Variants in DNAH3 observed in about 807,000 individuals in gnomAD.
The protein encoded by DNAH3 is axonemal beta dynein heavy chain 3.
A neutral mutation model predicts 432.5 loss-of-function variants in DNAH3; 332 were observed. That is an observed-to-expected ratio of 0.77 (90% CI 0.70 to 0.84). The LOEUF (loss-of-function observed/expected upper bound fraction) is 0.84, where lower values mean the gene tolerates loss of function less well. DNAH3 is among the 40% of genes least tolerant of loss of function. The pLI, the probability that DNAH3 is intolerant of heterozygous loss-of-function variation, is 0.00. For missense variants in DNAH3, 4,861 were observed against 5,114.0 expected, an observed-to-expected ratio of 0.95 and a Z score of 1.51; for synonymous variants, 1,956 against 1,900.2, an observed-to-expected ratio of 1.03 and a Z score of -0.76.
intron 59 of DNAH3, among the ~76,000 whole-genome samples, chr16:20,941,200 G>A (rs1413284716): frequency 1.3e-5 from 2 of 152,140 alleles, no homozygotes; most frequent in Non-Finnish European, 2.9e-5. Flanking sequence ...TGAATGAATG[G>A]GAATGAATGA....
intron 41 of DNAH3, among the ~76,000 whole-genome samples, chr16:21,017,098 C>T (rs929765305): frequency 6.6e-5 from 10 of 152,090 alleles, no homozygotes; most frequent in African/African-American, 2.4e-4. Context: ...GGTTGCCCAA[C>T]AATGTGAATG....
exon 14 of DNAH3, chr16:21,111,690 C>T (rs749306266): frequency 6.2e-7 from 1 of 1,613,996 alleles, no homozygotes; most frequent in South Asian, 1.1e-5. Context: ...AGATTTTGAG[C>T]TCGCTCACAG....
chr16:21,071,807 A>G (rs1567740198), intron 21 of DNAH3, among the ~76,000 whole-genome samples: 1 of 152,004 alleles, frequency 6.6e-6, no homozygotes, highest in Non-Finnish European at 1.5e-5. Context: ...CATAGACATA[A>G]TCTGCTGGGG....
At chr16:21,083,584 G>A (rs529450835) in intron 19 of DNAH3, among the ~76,000 whole-genome samples, 3 of 152,142 alleles carry the variant, frequency 2.0e-5, no homozygotes, top group African/African-American at 4.8e-5. Flanking sequence ...TGCCCCAAAC[G>A]TAAGGCTCTA....
chr16:21,099,233 CATGGATGG>C (rs111518786), intron 16 of DNAH3, among the ~76,000 whole-genome samples: 1,929 of 149,808 alleles, frequency 0.013, 18 homozygotes, highest in Non-Finnish European at 0.021. Flanking sequence ...AGACAATAGA[CATGGATGG>C]ATGGATGGAT....
chr16:21,117,392 T>C, intron 11 of DNAH3, 53 bp from the exon 12 acceptor site: 4 of 996,474 alleles, frequency 4.0e-6, no homozygotes, highest in Non-Finnish European at 6.2e-6. Context: ...AGGGAGATGG[T>C]ACCCAAATGC....
intron 41 of DNAH3, among the ~76,000 whole-genome samples, chr16:21,012,177 T>C (rs2087634385): frequency 6.6e-6 from 1 of 152,026 alleles, no homozygotes. Context: ...GTGGCTGATA[T>C]CAAAATGAAA....
intron 2 of DNAH3, 142 bp downstream of exon 3, chr16:21,145,842 A>C (rs1469411400): frequency 1.6e-6 from 1 of 620,282 alleles, no homozygotes; most frequent in African/African-American, 1.8e-5. Context: ...TGGGGGCAAA[A>C]GCGACCAAAG....
intron 33 of DNAH3, among the ~76,000 whole-genome samples, chr16:21,039,187 A>T (rs2089308744): frequency 6.6e-6 from 1 of 151,390 alleles, no homozygotes; most frequent in Admixed American, 6.6e-5. Flanking sequence ...TCAATTCTGG[A>T]ATAATTGCAT....
chr16:21,008,075 A>G (rs2087404145), intron 41 of DNAH3, among the ~76,000 whole-genome samples: 1 of 152,214 alleles, frequency 6.6e-6, no homozygotes, highest in Non-Finnish European at 1.5e-5. Context: ...TTCTTTTGCC[A>G]GTATACCATA....
intron 31 of DNAH3, 95 bp from the exon 32 acceptor site, chr16:21,042,298 C>T: frequency 7.5e-7 from 1 of 1,337,512 alleles, no homozygotes; most frequent in Non-Finnish European, 1.0e-6. Flanking sequence ...AGAAAGAACC[C>T]AATCACCCAA....
At chr16:21,033,929 G>T (rs1325722441) in intron 36 of DNAH3, 45 bp downstream of exon 36, 1 of 1,404,114 alleles carries the variant, frequency 7.1e-7, no homozygotes, top group Non-Finnish European at 1.0e-6. Flanking sequence ...AGCCAACTGA[G>T]CGAGGAGTTC....
chr16:21,132,110 A>G (rs1300799155), intron 7 of DNAH3, among the ~76,000 whole-genome samples: 2 of 152,192 alleles, frequency 1.3e-5, no homozygotes, highest in Admixed American at 6.6e-5. Flanking sequence ...CAGTTCAAAG[A>G]AAAGAATACA....
At chr16:21,124,683 CTT>C (rs1427509318) in intron 9 of DNAH3, among the ~76,000 whole-genome samples, 1 of 150,626 alleles carries the variant, frequency 6.6e-6, no homozygotes, top group Non-Finnish European at 1.5e-5. Context: ...GAGTTTCACT[CTT>C]GTCGCCCAGG....
chr16:20,997,340 C>T (rs759262393), exon 44 of DNAH3: 15 of 1,614,082 alleles, frequency 9.3e-6, no homozygotes, highest in Middle Eastern at 1.6e-4. Context: ...AGCAGCATGT[C>T]CACGATGTCC....
At chr16:21,157,199 T>C (rs953745160) in intron 1 of DNAH3, among the ~76,000 whole-genome samples, 11 of 152,172 alleles carry the variant, frequency 7.2e-5, no homozygotes, top group Admixed American at 6.5e-4. Context: ...ATCATATCAT[T>C]GTCGTGATCA....
intron 27 of DNAH3, among the ~76,000 whole-genome samples, chr16:21,054,822 C>T (rs1018799142): frequency 2.0e-5 from 3 of 152,136 alleles, no homozygotes; most frequent in Non-Finnish European, 4.4e-5. Flanking sequence ...TTGGTAATTA[C>T]TGGAGGCTTG....
chr16:21,019,835 T>C, exon 41 of DNAH3: 1 of 1,614,112 alleles, frequency 6.2e-7, no homozygotes, highest in South Asian at 1.1e-5. Context: ...CTTCACCTAA[T>C]TCCATTTCCT....
intron 35 of DNAH3, among the ~76,000 whole-genome samples, chr16:21,036,472 T>G (rs543715933): frequency 2.6e-5 from 4 of 152,260 alleles, no homozygotes; most frequent in African/African-American, 9.6e-5. Flanking sequence ...TGGAATGCAG[T>G]GGTATGATCA....
Sources: gnomAD v4.1 joint callset for allele counts (sites outside exome capture counted in the v4.1 genomes callset) on GRCh38, gnomAD v4.1.1 for gene constraint, MANE v1.5 for transcripts, NCBI Gene and HGNC (gene_info 2026-07-23, HGNC 2026-07-21) for gene names.